Variants in MCUB observed in about 807,000 individuals in gnomAD.
MCUB encodes calcium uniporter regulatory subunit MCUb, mitochondrial.
In MCUB, 46 loss-of-function variants were observed where a neutral mutation model predicts 41.4. The observed-to-expected ratio is 1.11, with a 90% CI of 0.88 to 1.42. The LOEUF (loss-of-function observed/expected upper bound fraction) is 1.42. Among genes scored for constraint, MCUB ranks in the 40% most tolerant of loss-of-function variants. The pLI is 0.00. For synonymous variants in MCUB, 148 were observed against 148.2 expected (o/e 1.00, Z 0.01); for missense variants, 403 against 404.9 (o/e 1.00, Z 0.04).
At chr4:109,678,066 T>C (rs1227540723) in intron 4 of MCUB, among the ~76,000 whole-genome samples, 1 of 152,016 alleles carries the variant, frequency 6.6e-6, no homozygotes, top group Non-Finnish European at 1.5e-5. Flanking sequence ...AAGCACATCT[T>C]GCACCGCCCT....
intron 1 of MCUB, chr4:109,648,676 C>A: frequency 2.4e-6 from 1 of 410,158 alleles, no homozygotes; most frequent in Non-Finnish European, 4.7e-6. Context: ...CAAAAGAGAG[C>A]TCCTATATAG....
chr4:109,561,408 G>T (rs994366005), intron 1 of MCUB, among the ~76,000 whole-genome samples: 1 of 151,982 alleles, frequency 6.6e-6, no homozygotes, highest in Non-Finnish European at 1.5e-5. Flanking sequence ...CTGTCTGAGG[G>T]CTTCAGTTTC....
chr4:109,666,342 G>A (rs1243754674), intron 4 of MCUB, among the ~76,000 whole-genome samples: 3 of 152,166 alleles, frequency 2.0e-5, no homozygotes, highest in Admixed American at 6.5e-5. Flanking sequence ...GGCACATATG[G>A]TGAGAGTGTT....
chr4:109,565,842 T>C (rs1350450364), intron 1 of MCUB, among the ~76,000 whole-genome samples: 1 of 149,738 alleles, frequency 6.7e-6, no homozygotes, highest in Admixed American at 6.6e-5. Flanking sequence ...TCATTTCTTT[T>C]TTTTTTTTTT....
chr4:109,643,140 A>G (rs912008710), intron 1 of MCUB, among the ~76,000 whole-genome samples: 19 of 151,816 alleles, frequency 1.3e-4, no homozygotes, highest in African/African-American at 4.6e-4. Context: ...ATTTTTTTAA[A>G]CATCCAAGAG....
intron 4 of MCUB, among the ~76,000 whole-genome samples, chr4:109,672,940 C>T (rs762175146): frequency 6.6e-6 from 1 of 152,024 alleles, no homozygotes; most frequent in African/African-American, 2.4e-5. Context: ...CTCTGAGGAC[C>T]CCTCAAACAA....
chr4:109,572,517 A>C (rs1726936994), intron 1 of MCUB, among the ~76,000 whole-genome samples: 1 of 152,180 alleles, frequency 6.6e-6, no homozygotes, highest in Non-Finnish European at 1.5e-5. Context: ...GAAATCTTAG[A>C]TATTTAGGAT....
chr4:109,645,609 C>T (rs960059160), intron 1 of MCUB, among the ~76,000 whole-genome samples: 10 of 152,094 alleles, frequency 6.6e-5, no homozygotes, highest in African/African-American at 2.4e-4. Context: ...CCCTCTATTT[C>T]AGACATTCTG....
At chr4:109,570,740 G>A (rs541866161) in intron 1 of MCUB, among the ~76,000 whole-genome samples, 56 of 152,222 alleles carry the variant, frequency 3.7e-4, no homozygotes, top group Non-Finnish European at 7.3e-4. Flanking sequence ...TACCGTATAT[G>A]TATAGTGGGA....
chr4:109,640,518 C>T (rs543725335), intron 1 of MCUB, among the ~76,000 whole-genome samples: 1 of 152,340 alleles, frequency 6.6e-6, no homozygotes, highest in African/African-American at 2.4e-5. Context: ...ATAACTTGCT[C>T]CAACTTCTAC....
intron 4 of MCUB, among the ~76,000 whole-genome samples, chr4:109,669,045 C>T (rs528427462): frequency 5.9e-5 from 9 of 151,924 alleles, no homozygotes; most frequent in South Asian, 2.1e-4. Flanking sequence ...TCTTTTGAAC[C>T]GACTGTTATC....
At chr4:109,601,495 G>C (rs1435381925) in intron 1 of MCUB, among the ~76,000 whole-genome samples, 1 of 152,062 alleles carries the variant, frequency 6.6e-6, no homozygotes, top group Non-Finnish European at 1.5e-5. Context: ...AACATGCAAA[G>C]TTTGTCTGTC....
At chr4:109,630,872 C>T (rs912637830) in intron 1 of MCUB, among the ~76,000 whole-genome samples, 1 of 152,190 alleles carries the variant, frequency 6.6e-6, no homozygotes, top group African/African-American at 2.4e-5. Flanking sequence ...TGAGCCACTG[C>T]GCCTGGCCTG....
chr4:109,647,714 T>C (rs1728869402), intron 1 of MCUB, among the ~76,000 whole-genome samples: 1 of 152,126 alleles, frequency 6.6e-6, no homozygotes, highest in Admixed American at 6.5e-5. Context: ...ACATGGAGAT[T>C]AAGTAATCTA....
Position 109,687,575 on chromosome 4 carries a change from C to T in MCUB, c.994C>T (p.Leu332Phe). 6.2e-7 allele frequency: 1 copy of T among 1,608,146 alleles called. No individual in the cohort carries two copies. The highest frequency in any genetic ancestry group is 8.5e-7 in the Non-Finnish European group (1 of 1,174,998). ...SLCLQMQVEE[L>F]NEKN is the part of the protein sequence containing the mutation. ...CTGTTTGCAAATGCAAGTAGAAGAACTCAATGAAAAGAATTAATCTTACAG... is the reference window on the plus strand; with the variant it reads ...CTGTTTGCAAATGCAAGTAGAAGAATTCAATGAAAAGAATTAATCTTACAG... The change falls in exon 8 of 8, where the codon CTC becomes TTC. Residue 332 changes from leucine to phenylalanine, a missense_variant. By Grantham distance (22) the Leu-to-Phe change is conservative (BLOSUM62 0). Transcript: ENST00000394650.
At chr4:109,613,935 A>G (rs773254385) in intron 1 of MCUB, among the ~76,000 whole-genome samples, 4 of 152,214 alleles carry the variant, frequency 2.6e-5, no homozygotes, top group Non-Finnish European at 5.9e-5. Flanking sequence ...TGAAGTTGAT[A>G]TAATCCACCA....
intron 1 of MCUB, among the ~76,000 whole-genome samples, chr4:109,644,947 A>G (rs1413768127): frequency 6.6e-6 from 1 of 152,170 alleles, no homozygotes; most frequent in Non-Finnish European, 1.5e-5. Context: ...GTCTGAACCT[A>G]AACAAGCATA....
intron 4 of MCUB, among the ~76,000 whole-genome samples, chr4:109,675,526 A>G (rs748422007): frequency 6.6e-5 from 10 of 152,214 alleles, no homozygotes; most frequent in Non-Finnish European, 1.3e-4. Context: ...AAAGCTCAGT[A>G]CCCTCTGGAA....
intron 1 of MCUB, among the ~76,000 whole-genome samples, chr4:109,606,982 A>G (rs893650524): frequency 6.6e-6 from 1 of 151,938 alleles, no homozygotes; most frequent in South Asian, 2.1e-4. Flanking sequence ...CCTGACCTTG[A>G]GTGATCCACC....
Sources: gnomAD v4.1 joint callset for allele counts (sites outside exome capture counted in the v4.1 genomes callset) on GRCh38, gnomAD v4.1.1 for gene constraint, MANE v1.5 for transcripts, NCBI Gene and HGNC (gene_info 2026-07-23, HGNC 2026-07-21) for gene names.